ZNF475: variants seen among roughly 807,000 people sequenced by gnomAD.
ZNF475 encodes zinc finger protein 475.
chr5:122,178,315 G>A, the ZNF475 span, among the ~76,000 whole-genome samples: 21 of 152,126 alleles, frequency 1.4e-4, no homozygotes, highest in African/African-American at 3.6e-4. Context: ...TTGAAGAATC[G>A]CCACACTGTC....
the ZNF475 span, among the ~76,000 whole-genome samples, chr5:122,174,456 A>G: frequency 1.3e-5 from 2 of 152,326 alleles, no homozygotes; most frequent in Admixed American, 6.5e-5. Context: ...TTTGCGCTTC[A>G]CTAGAGCATG....
chr5:122,170,552 C>G, the ZNF475 span, among the ~76,000 whole-genome samples: 6 of 152,284 alleles, frequency 3.9e-5, no homozygotes, highest in South Asian at 1.2e-3. Flanking sequence ...TGGTGTGGAG[C>G]TTCTGTGACC....
chr5:122,162,261 A>G, the ZNF475 span: 1 of 152,380 alleles, frequency 6.6e-6, no homozygotes, highest in East Asian at 1.9e-4. Context: ...CACAAGTAAC[A>G]GACTCTTTTA....
the ZNF475 span, among the ~76,000 whole-genome samples, chr5:122,168,328 A>G: frequency 7.0e-6 from 1 of 142,172 alleles, no homozygotes; most frequent in East Asian, 1.9e-4. Context: ...GTGAGCCACT[A>G]CACCTGGCCA....
chr5:122,182,539 G>A, the ZNF475 span: 1 of 1,533,528 alleles, frequency 6.5e-7, no homozygotes. Flanking sequence ...GCTTGGACAA[G>A]TGCCCACAGC....
chr5:122,178,403 T>C, the ZNF475 span, among the ~76,000 whole-genome samples: 7 of 152,322 alleles, frequency 4.6e-5, no homozygotes, highest in East Asian at 1.4e-3. Flanking sequence ...CTCTCCAGCA[T>C]CTGTTGTTTC....
the ZNF475 span, among the ~76,000 whole-genome samples, chr5:122,178,705 A>G: frequency 2.0e-5 from 3 of 152,156 alleles, no homozygotes; most frequent in Middle Eastern, 6.8e-3. Flanking sequence ...CTCTGATGGT[A>G]GTTTCTTTTG....
chr5:122,166,838 C>T, the ZNF475 span, among the ~76,000 whole-genome samples: 1 of 152,124 alleles, frequency 6.6e-6, no homozygotes, highest in East Asian at 1.9e-4. Context: ...ATTTATAATC[C>T]TTTGGGTATA....
chr5:122,161,223 A>G, the ZNF475 span, among the ~76,000 whole-genome samples: 3 of 152,338 alleles, frequency 2.0e-5, no homozygotes, highest in East Asian at 3.9e-4. Flanking sequence ...CAAATTGAAG[A>G]AAGGGCTAGT....
At chr5:122,162,136 T>C in the ZNF475 span, 18 of 152,332 alleles carry the variant, frequency 1.2e-4, no homozygotes, top group African/African-American at 4.1e-4. Flanking sequence ...GCATTGGAAA[T>C]ATCAATAGTT....
At chr5:122,179,749 G>T in the ZNF475 span, 4 of 1,474,702 alleles carry the variant, frequency 2.7e-6, no homozygotes, top group African/African-American at 2.8e-5. Flanking sequence ...CTAGAAAAAA[G>T]ATTTGAGTGC....
the ZNF475 span, among the ~76,000 whole-genome samples, chr5:122,163,554 C>A: frequency 6.6e-5 from 10 of 152,334 alleles, no homozygotes; most frequent in East Asian, 1.9e-3. Flanking sequence ...TGGAAGGAAT[C>A]AGGAGTGTGG....
At chr5:122,164,401 G>T in the ZNF475 span, among the ~76,000 whole-genome samples, 39 of 152,210 alleles carry the variant, frequency 2.6e-4, no homozygotes. Flanking sequence ...CCATCAGCTT[G>T]CCACCTGAAA....
At chr5:122,161,627 G>A in the ZNF475 span, among the ~76,000 whole-genome samples, 1 of 152,184 alleles carries the variant, frequency 6.6e-6, no homozygotes, top group Non-Finnish European at 1.5e-5. Context: ...CAATGTCCAA[G>A]TTCAGGTCAG....
chr5:122,180,222 T>C, the ZNF475 span, among the ~76,000 whole-genome samples: 3 of 152,192 alleles, frequency 2.0e-5, no homozygotes, highest in African/African-American at 7.2e-5. Context: ...AACTGGTCCA[T>C]GTGTGCACCA....
the ZNF475 span, among the ~76,000 whole-genome samples, chr5:122,180,614 A>C: frequency 1.3e-4 from 20 of 152,348 alleles, no homozygotes; most frequent in African/African-American, 4.8e-4. Context: ...ACCATCTCAC[A>C]GGACAATGTT....
the ZNF475 span, among the ~76,000 whole-genome samples, chr5:122,175,451 T>C: frequency 6.6e-6 from 1 of 152,210 alleles, no homozygotes; most frequent in Non-Finnish European, 1.5e-5. Flanking sequence ...AGTCATTTAA[T>C]TCCAACAAAA....
At chr5:122,168,392 T>G in the ZNF475 span, among the ~76,000 whole-genome samples, 1 of 152,188 alleles carries the variant, frequency 6.6e-6, no homozygotes, top group African/African-American at 2.4e-5. Flanking sequence ...CAGAACCAAT[T>G]TGCATTTCTC....
At chr5:122,167,077 T>A in the ZNF475 span, among the ~76,000 whole-genome samples, 7 of 152,254 alleles carry the variant, frequency 4.6e-5, no homozygotes. Context: ...AAGTCTTTAA[T>A]CCATCTTGAA....
Sources: gnomAD v4.1 joint callset for allele counts (sites outside exome capture counted in the v4.1 genomes callset) on GRCh38, gnomAD v4.1.1 for gene constraint, MANE v1.5 for transcripts, NCBI Gene and HGNC (gene_info 2026-07-23, HGNC 2026-07-21) for gene names.